The following TMEM135 variants were observed in gnomAD, a reference collection of about 807,000 sequenced individuals.
TMEM135 encodes transmembrane protein 135.
In TMEM135, 30 loss-of-function variants were observed where a neutral mutation model predicts 60.3. The observed-to-expected ratio is 0.50, with a 90% CI of 0.37 to 0.68. The LOEUF is 0.68. TMEM135 is among the 30% of genes least tolerant of loss of function. The probability of loss-of-function intolerance (pLI) is 0.00; values close to 1 mark genes in which losing one functional copy is unlikely to be tolerated. For missense variants in TMEM135, 468 were observed against 548.8 expected (o/e 0.85, Z 1.47); for synonymous variants, 190 against 186.7 (o/e 1.02, Z -0.14).
chr11:87,263,062 A>C (rs1941682959), intron 6 of TMEM135, among the ~76,000 whole-genome samples: 2 of 152,248 alleles, frequency 1.3e-5, no homozygotes, highest in African/African-American at 4.8e-5. Context: ...TTACGTAATT[A>C]CATTAAGAAG....
intron 6 of TMEM135, among the ~76,000 whole-genome samples, chr11:87,278,057 C>G (rs982805880): frequency 3.3e-5 from 5 of 152,094 alleles, no homozygotes; most frequent in African/African-American, 1.2e-4. Flanking sequence ...ATTCTTGGAC[C>G]AAGTCCTTCC....
chr11:87,157,275 G>C, intron 4 of TMEM135, 66 bp from the exon 5 acceptor site: 1 of 1,389,116 alleles, frequency 7.2e-7, no homozygotes, highest in Non-Finnish European at 1.0e-6. Context: ...TTTAGGGTGT[G>C]GGATATACAA....
chr11:87,312,364 CT>C (rs1942654371), intron 10 of TMEM135, among the ~76,000 whole-genome samples: 1 of 151,822 alleles, frequency 6.6e-6, no homozygotes, highest in Admixed American at 6.6e-5. Flanking sequence ...AGTGTCAGAC[CT>C]TACAACACTG....
intron 4 of TMEM135, among the ~76,000 whole-genome samples, chr11:87,101,420 GTC>G (rs1162650694): frequency 3.9e-5 from 6 of 152,130 alleles, no homozygotes; most frequent in African/African-American, 1.4e-4. Context: ...AAAATGTGAT[GTC>G]AAATGTAGTT....
chr11:87,296,510 G>A (rs976159835), intron 7 of TMEM135, among the ~76,000 whole-genome samples: 9 of 152,040 alleles, frequency 5.9e-5, no homozygotes, highest in Non-Finnish European at 1.2e-4. Context: ...TGCCTGTTTT[G>A]TAATCCAAAG....
At chr11:87,236,354 G>A (rs1940995137) in intron 5 of TMEM135, among the ~76,000 whole-genome samples, 1 of 151,816 alleles carries the variant, frequency 6.6e-6, no homozygotes, top group Admixed American at 6.6e-5. Context: ...AATGATAGTT[G>A]ATGAACTAAA....
At chr11:87,256,491 A>G (rs1941531050) in intron 6 of TMEM135, among the ~76,000 whole-genome samples, 1 of 152,180 alleles carries the variant, frequency 6.6e-6, no homozygotes, top group Non-Finnish European at 1.5e-5. Context: ...ATGATTCCTC[A>G]AAATATTTTT....
intron 6 of TMEM135, among the ~76,000 whole-genome samples, chr11:87,250,848 C>G (rs1021682567): frequency 2.6e-4 from 40 of 152,246 alleles, no homozygotes; most frequent in African/African-American, 9.4e-4. Context: ...GGATTACTTG[C>G]AGCAATGCAG....
chr11:87,159,417 G>A (rs985061992), intron 5 of TMEM135, among the ~76,000 whole-genome samples: 2 of 151,950 alleles, frequency 1.3e-5, no homozygotes, highest in Non-Finnish European at 2.9e-5. Context: ...TTTGTCTGTG[G>A]TATGTCAGGG....
chr11:87,057,379 C>A (rs1316596675), intron 1 of TMEM135, among the ~76,000 whole-genome samples: 1 of 152,058 alleles, frequency 6.6e-6, no homozygotes, highest in African/African-American at 2.4e-5. Flanking sequence ...TGTATCTTCC[C>A]ACATATATTA....
At chr11:87,289,982 T>G (rs914240490) in intron 6 of TMEM135, among the ~76,000 whole-genome samples, 1 of 150,086 alleles carries the variant, frequency 6.7e-6, no homozygotes, top group Non-Finnish European at 1.5e-5. Flanking sequence ...TGTGGCTGTA[T>G]AGTATTCCAT....
intron 6 of TMEM135, among the ~76,000 whole-genome samples, chr11:87,268,356 T>C (rs1941795725): frequency 6.6e-6 from 1 of 151,394 alleles, no homozygotes; most frequent in African/African-American, 2.4e-5. Flanking sequence ...GCTCATGCAA[T>C]CCCCCCACCT....
chr11:87,151,981 C>T lies in TMEM135; in HGVS notation c.397-5360C>T. Among the ~76,000 whole-genome samples the T allele has an allele frequency of 3.3e-5, 5 of 152,176 alleles. No homozygotes were observed. The South Asian group carries it at 1.0e-3, about 32-fold the overall frequency. On this transcript the variant is annotated intron_variant, in intron 4 of 14. Coordinates refer to ENST00000305494, the MANE Select transcript of TMEM135 (RefSeq NM_022918.4). ...TGAGAGGGAGGTGATCGGTGTCTAA[C>T]TGGGTAGACAAGAAGAGAGGAGTCT...
chr11:87,121,855 G>C (rs1200241052), intron 4 of TMEM135, among the ~76,000 whole-genome samples: 1 of 151,982 alleles, frequency 6.6e-6, no homozygotes, highest in Non-Finnish European at 1.5e-5. Context: ...GGCCAGGGTG[G>C]TCTCGAACTC....
chr11:87,251,268 A>C (rs1243218538), intron 6 of TMEM135, among the ~76,000 whole-genome samples: 1 of 152,080 alleles, frequency 6.6e-6, no homozygotes, highest in East Asian at 1.9e-4. Context: ...GAATATGGAG[A>C]GTAAGAAAAA....
chr11:87,271,870 A>C (rs912250123), intron 6 of TMEM135, among the ~76,000 whole-genome samples: 2 of 151,850 alleles, frequency 1.3e-5, no homozygotes, highest in Non-Finnish European at 2.9e-5. Flanking sequence ...CAGGAAGTCG[A>C]GGCTGCATTG....
At chr11:87,284,971 TATTAACC>T (rs1174786447) in intron 6 of TMEM135, among the ~76,000 whole-genome samples, 3 of 152,216 alleles carry the variant, frequency 2.0e-5, no homozygotes, top group African/African-American at 4.8e-5. Context: ...CCATGTAATC[TATTAACC>T]ACACACTACA....
At chr11:87,279,955 A>G (rs532772387) in intron 6 of TMEM135, among the ~76,000 whole-genome samples, 13 of 152,348 alleles carry the variant, frequency 8.5e-5, no homozygotes, top group African/African-American at 3.1e-4. Context: ...TTTTGTGATT[A>G]GTTTGTTAAA....
intron 4 of TMEM135, among the ~76,000 whole-genome samples, chr11:87,140,225 G>A (rs672194): frequency 0.48 from 72,167 of 151,734 alleles, 17,449 homozygotes; most frequent in East Asian, 0.67. Context: ...ATGCCACCAC[G>A]CCCGGCTAAT....
Sources: gnomAD v4.1 joint callset for allele counts (sites outside exome capture counted in the v4.1 genomes callset) on GRCh38, gnomAD v4.1.1 for gene constraint, MANE v1.5 for transcripts, NCBI Gene and HGNC (gene_info 2026-07-23, HGNC 2026-07-21) for gene names.